BTBD9: variants seen among roughly 807,000 people sequenced by gnomAD.
BTBD9 encodes BTB domain containing 9, also known as BTB/POZ domain-containing protein 9.
BTBD9 carries 49 observed loss-of-function variants against 64.3 expected under a neutral mutation model. The observed-to-expected ratio is 0.76, with a 90% CI of 0.61 to 0.97. BTBD9 has a LOEUF of 0.97. BTBD9 is among the 50% of genes least tolerant of loss of function. The pLI, the probability that BTBD9 is intolerant of heterozygous loss-of-function variation, is 0.00. For synonymous variants in BTBD9, 260 were observed against 274.7 expected (o/e 0.95, Z 0.53); for missense variants, 598 against 762.1 (o/e 0.78, Z 2.53).
chr6:38,592,213 G>C (rs1314341647), intron 4 of BTBD9, among the ~76,000 whole-genome samples: 1 of 151,866 alleles, frequency 6.6e-6, no homozygotes, highest in Non-Finnish European at 1.5e-5. Context: ...CATGTTCATG[G>C]TACCCAAAAT....
At chr6:38,351,507 G>GTTTTTTTT (rs70981542) in intron 6 of BTBD9, among the ~76,000 whole-genome samples, 13 of 102,712 alleles carry the variant, frequency 1.3e-4, no homozygotes, top group East Asian at 6.6e-4. Context: ...AATTGTTGTT[G>GTTTTTTTT]TTTTTTTTTT....
intron 10 of BTBD9, among the ~76,000 whole-genome samples, chr6:38,186,672 T>C (rs949390972): frequency 6.6e-6 from 1 of 152,206 alleles, no homozygotes; most frequent in Non-Finnish European, 1.5e-5. Context: ...AAGATGAATA[T>C]GACACAGCCT....
At chr6:38,322,260 T>C (rs1562022184) in intron 7 of BTBD9, among the ~76,000 whole-genome samples, 1 of 152,108 alleles carries the variant, frequency 6.6e-6, no homozygotes. Flanking sequence ...ATCTCCAAGA[T>C]ACTCTTCCGT....
At chr6:38,382,062 C>T (rs966529616) in intron 6 of BTBD9, among the ~76,000 whole-genome samples, 9 of 152,142 alleles carry the variant, frequency 5.9e-5, no homozygotes, top group African/African-American at 1.9e-4. Flanking sequence ...TCCGAATCAA[C>T]TTTTGCAGAA....
At chr6:38,226,673 C>G (rs2127513126) in intron 9 of BTBD9, among the ~76,000 whole-genome samples, 1 of 152,316 alleles carries the variant, frequency 6.6e-6, no homozygotes, top group African/African-American at 2.4e-5. Flanking sequence ...TAAAAATGCT[C>G]AAACCTGAGA....
chr6:38,199,124 T>C (rs1762370245), intron 9 of BTBD9, among the ~76,000 whole-genome samples: 1 of 152,124 alleles, frequency 6.6e-6, no homozygotes, highest in Non-Finnish European at 1.5e-5. Flanking sequence ...GAGACACACA[T>C]TTCCCTCTGG....
intron 6 of BTBD9, among the ~76,000 whole-genome samples, chr6:38,550,869 A>T (rs943229587): frequency 3.3e-5 from 5 of 151,948 alleles, no homozygotes; most frequent in Admixed American, 2.0e-4. Context: ...ATCTCACTCA[A>T]CCAAGCGCTC....
chr6:38,551,342 A>G (rs1774794831), intron 6 of BTBD9, among the ~76,000 whole-genome samples: 1 of 152,212 alleles, frequency 6.6e-6, no homozygotes, highest in Non-Finnish European at 1.5e-5. Context: ...GATACAGAAC[A>G]ATGAACTAGC....
intron 6 of BTBD9, among the ~76,000 whole-genome samples, chr6:38,438,556 C>T (rs1768863211): frequency 6.6e-6 from 1 of 152,192 alleles, no homozygotes; most frequent in Non-Finnish European, 1.5e-5. Context: ...ACATTTTCAA[C>T]ACTACCAGGA....
chr6:38,569,024 A>G (rs1775641089), intron 6 of BTBD9, among the ~76,000 whole-genome samples: 1 of 152,190 alleles, frequency 6.6e-6, no homozygotes, highest in Non-Finnish European at 1.5e-5. Context: ...GGTAGATGGT[A>G]AACAGACAAT....
At chr6:38,494,687 ATTCT>A (rs35232435) in intron 6 of BTBD9, among the ~76,000 whole-genome samples, 57 of 152,344 alleles carry the variant, frequency 3.7e-4, no homozygotes, top group South Asian at 2.5e-3. Flanking sequence ...CTGTATGCAC[ATTCT>A]TTCACTATTA....
At chr6:38,465,832 T>C (rs1350661546) in intron 6 of BTBD9, among the ~76,000 whole-genome samples, 2 of 104,466 alleles carry the variant, frequency 1.9e-5, no homozygotes, top group East Asian at 2.7e-4. Context: ...CTTTCTTTTT[T>C]CCTTTTTTTT....
chr6:38,602,996 G>C (rs1259642936), intron 1 of BTBD9, among the ~76,000 whole-genome samples: 1 of 152,042 alleles, frequency 6.6e-6, no homozygotes, highest in Non-Finnish European at 1.5e-5. Context: ...TAGACTTAAG[G>C]CAGATTTTCC....
chr6:38,293,872 A>G (rs991316474), intron 7 of BTBD9, among the ~76,000 whole-genome samples: 1 of 152,198 alleles, frequency 6.6e-6, no homozygotes, highest in African/African-American at 2.4e-5. Context: ...CCATCATCAG[A>G]GTGAACAGGC....
intron 6 of BTBD9, among the ~76,000 whole-genome samples, chr6:38,422,969 A>T: frequency 6.6e-6 from 1 of 152,028 alleles, no homozygotes; most frequent in East Asian, 1.9e-4. Flanking sequence ...ATTTAAATAT[A>T]TATTTTTTAA....
At chr6:38,355,829 C>T (rs1172644529) in intron 6 of BTBD9, among the ~76,000 whole-genome samples, 4 of 152,104 alleles carry the variant, frequency 2.6e-5, no homozygotes, top group Non-Finnish European at 4.4e-5. Context: ...CTTTCTTGGT[C>T]TCTTCTCTCA....
At chr6:38,303,686 T>C (rs1473894141) in intron 7 of BTBD9, among the ~76,000 whole-genome samples, 1 of 151,852 alleles carries the variant, frequency 6.6e-6, no homozygotes, top group Non-Finnish European at 1.5e-5. Context: ...AAATCATTAC[T>C]GATATGCTTT....
rs117925972 is a variant in BTBD9 at position 38,408,212 on chromosome 6, G to C, written c.1155-63119C>G. Among the ~76,000 whole-genome samples the C allele has an allele frequency of 1.1e-3, 165 of 152,156 alleles. 4 individuals are homozygous for C. The East Asian group carries it at 0.016, about 14-fold the overall frequency. On this transcript the variant is annotated intron_variant, in intron 6 of 10. Coordinates refer to ENST00000481247, the MANE Select transcript of BTBD9 (RefSeq NM_001099272.2). ...ATCTCAAAAGAAAATAGAAAAATTA[G>C]TTAGGTGTAGTGACATGCACCTGCA... is the stretch of plus-strand genomic sequence containing the variant.
chr6:38,500,444 T>G (rs1404936778), intron 6 of BTBD9, among the ~76,000 whole-genome samples: 2 of 152,248 alleles, frequency 1.3e-5, no homozygotes, highest in East Asian at 1.9e-4. Flanking sequence ...TTTCTTGTAC[T>G]CAGTAGAAAA....
Sources: allele counts gnomAD v4.1 joint callset (sites outside exome capture counted in the v4.1 genomes callset), GRCh38; gene constraint gnomAD v4.1.1; transcripts MANE v1.5; gene names NCBI Gene and HGNC (gene_info 2026-07-23, HGNC 2026-07-21).